The following IGF2BP2 variants were observed in gnomAD, a reference collection of about 807,000 sequenced individuals.
The protein encoded by IGF2BP2 is insulin-like growth factor 2 mRNA-binding protein 2.
In IGF2BP2, 17 loss-of-function variants were observed where a neutral mutation model predicts 75.8. The observed-to-expected ratio is 0.22, with a 90% CI of 0.15 to 0.34. The LOEUF is 0.34. Among genes scored for constraint, IGF2BP2 ranks in the 10% least tolerant of loss-of-function variants. The pLI, the probability that IGF2BP2 is intolerant of heterozygous loss-of-function variation, is 1.00. For synonymous variants in IGF2BP2, 288 were observed against 295.6 expected (o/e 0.97, Z 0.26); for missense variants, 516 against 772.4 (o/e 0.67, Z 3.93).
intron 2 of IGF2BP2, among the ~76,000 whole-genome samples, chr3:185,800,230 G>C (rs527521801): frequency 6.6e-6 from 1 of 152,058 alleles, no homozygotes; most frequent in African/African-American, 2.4e-5. Context: ...TGAACAATGA[G>C]AACACTTGGA....
intron 2 of IGF2BP2, among the ~76,000 whole-genome samples, chr3:185,702,701 G>A (rs1723479986): frequency 6.6e-6 from 1 of 151,940 alleles, no homozygotes; most frequent in Admixed American, 6.6e-5. Flanking sequence ...CACACACGGA[G>A]AGGGCTACTC....
chr3:185,790,245 CAT>C (rs1736463458), intron 2 of IGF2BP2, among the ~76,000 whole-genome samples: 1 of 151,250 alleles, frequency 6.6e-6, no homozygotes, highest in Admixed American at 6.6e-5. Flanking sequence ...GCAGATCTGA[CAT>C]AAAGTACTGT....
chr3:185,724,003 T>C (rs2149480992), intron 2 of IGF2BP2, among the ~76,000 whole-genome samples: 1 of 152,288 alleles, frequency 6.6e-6, no homozygotes, highest in East Asian at 1.9e-4. Flanking sequence ...AGCGCCAGAC[T>C]ATGCAGAGAC....
chr3:185,705,745 C>CTG (rs1251725977), intron 2 of IGF2BP2, among the ~76,000 whole-genome samples: 2 of 152,176 alleles, frequency 1.3e-5, no homozygotes, highest in East Asian at 3.8e-4. Flanking sequence ...ATAGAAGGCA[C>CTG]TGTCTAGCTG....
At position 185,665,476 on chromosome 3, in the gene IGF2BP2, GAGA is replaced by G. The variant is rs200458103; in HGVS notation, c.1200+7062_1200+7064del. The stretch of plus-strand genomic sequence containing the variant: ...GGAGGAGAAGAAGAAGAAGAAGAAG[GAGA>G]AGAAGGAGGAGAAGGAGGAGGAGAA... On this transcript the variant is annotated intron_variant, in intron 10 of 15. Transcript: ENST00000382199. 2.3e-4 allele frequency among the ~76,000 whole-genome samples: 16 copies of G among 70,808 alleles called. 2 individuals carry two copies. The highest frequency in any genetic ancestry group is 6.6e-4 in the South Asian group (1 of 1,512). The allele number at this position is 70,808 out of a possible 152,430, so 46.5% of individuals were successfully genotyped here.
In IGF2BP2 at chr3:185,689,372, A is replaced by G. The variant is rs1459998367; in HGVS notation, c.660T>C (p.Thr220=). ...GCACGTACCGGGACTGGGTCTGCTT[A>G]GTGATGTTCTTTATGGTCAAGCCCT... The part of the protein sequence containing the change: ...GKEGLTIKNI[T]KQTQSRVDIH... Residue 220 remains threonine (T), a synonymous_variant, in exon 6 of 16, where the codon ACT becomes ACC. Transcript: ENST00000382199. The G allele has an allele frequency of 6.2e-7, 1 of 1,613,552 alleles. No homozygotes were observed. The highest frequency in any genetic ancestry group is 8.5e-7 in the Non-Finnish European group (1 of 1,180,004).
chr3:185,707,295 C>CTTT lies in IGF2BP2; in HGVS notation c.240-8951_240-8949dup, dbSNP rs1159568857. ...TTATATTCAGTGTGTAACGAAGGGG[C>CTTT]TTTTTTTTTTTTTTTTTTTTTTTTT... On this transcript the variant is annotated intron_variant, in intron 2 of 15. Transcript: ENST00000382199. 9.0e-3 allele frequency among the ~76,000 whole-genome samples: 359 copies of CTTT among 39,876 alleles called. 78 individuals carry two copies. Among genetic ancestry groups the CTTT allele is most frequent in the African/African-American group, 0.02 (177 of 8,918 alleles). The allele number at this position is 39,876 out of a possible 152,430, so 26.2% of individuals were successfully genotyped here. A position where few individuals can be genotyped will look rare whatever the true frequency, so the allele number is the denominator to read the frequency against.
intron 2 of IGF2BP2, among the ~76,000 whole-genome samples, chr3:185,772,391 T>C (rs1733996148): frequency 6.6e-6 from 1 of 152,136 alleles, no homozygotes; most frequent in Non-Finnish European, 1.5e-5. Context: ...ATCTAAATAT[T>C]TTCAAATTTA....
At chr3:185,709,859 C>T (rs1724554658) in intron 2 of IGF2BP2, among the ~76,000 whole-genome samples, 1 of 152,144 alleles carries the variant, frequency 6.6e-6, no homozygotes, top group African/African-American at 2.4e-5. Flanking sequence ...ATCCAAACCC[C>T]CTCTACCCAA....
intron 9 of IGF2BP2, 40 bp from the exon 10 acceptor site, chr3:185,672,709 C>T: frequency 6.2e-7 from 1 of 1,612,236 alleles, no homozygotes; most frequent in Non-Finnish European, 8.5e-7. Context: ...AGGGAGGAGA[C>T]CAGAGAGGCC....
chr3:185,708,608 T>C (rs565604098), intron 2 of IGF2BP2, among the ~76,000 whole-genome samples: 1 of 152,172 alleles, frequency 6.6e-6, no homozygotes, highest in South Asian at 2.1e-4. Context: ...AGCACATACA[T>C]GGAAGGGCCT....
intron 2 of IGF2BP2, among the ~76,000 whole-genome samples, chr3:185,811,830 G>GTCTCTCTCTCTCTCTCTCTCTCTC (rs58208457): frequency 2.4e-4 from 29 of 120,802 alleles, no homozygotes; most frequent in Non-Finnish European, 4.4e-4. Context: ...AGAGTAGGGT[G>GTCTCTCTCTCTCTCTCTCTCTCTC]TCTCTCTCTC....
intron 2 of IGF2BP2, among the ~76,000 whole-genome samples, chr3:185,738,453 G>A (rs1230524933): frequency 6.6e-6 from 1 of 152,182 alleles, no homozygotes; most frequent in Non-Finnish European, 1.5e-5. Context: ...CAGCCTAGGG[G>A]AGTCAGGAAG....
chr3:185,799,958 A>G lies in IGF2BP2; in HGVS notation c.239+23195T>C, dbSNP rs900672401. ...TACCCAAAGGATTATAAATCATGCT[A>G]CTATAAAGGCACATGCACACGTATC... On this transcript the variant is annotated intron_variant, in intron 2 of 15. Transcript: ENST00000382199. Among the ~76,000 whole-genome samples, 25 of 152,350 alleles carry G rather than the reference A, an allele frequency of 1.6e-4. 1 individual carries two copies. Among genetic ancestry groups the G allele is most frequent in the African/African-American group, 5.8e-4 (24 of 41,582 alleles).
At chr3:185,682,495 C>T (rs1013611559) in intron 7 of IGF2BP2, among the ~76,000 whole-genome samples, 5 of 152,082 alleles carry the variant, frequency 3.3e-5, no homozygotes, top group African/African-American at 4.8e-5. Context: ...ATAAATTATC[C>T]GGTCTTTAGT....
rs369050058 is a variant in IGF2BP2 at position 185,778,999 on chromosome 3, G to A, written c.239+44154C>T. Among the ~76,000 whole-genome samples the A allele has an allele frequency of 4.0e-5, 6 of 151,732 alleles. No homozygotes were observed. The East Asian group carries it at 5.8e-4, about 15-fold the overall frequency. The stretch of plus-strand genomic sequence containing the variant: ...CCATGCAGTGATCATGGTGTATGCC[G>A]CTCTATGGCATCCTCTCTTGAAAAA... On this transcript the variant is annotated intron_variant, in intron 2 of 15. Transcript: ENST00000382199.
chr3:185,676,930 GGAGAGA>G (rs60361363), intron 7 of IGF2BP2, among the ~76,000 whole-genome samples: 3 of 139,558 alleles, frequency 2.1e-5, no homozygotes, highest in African/African-American at 8.0e-5. Flanking sequence ...TATATTTACT[GGAGAGA>G]GAGACATATA....
At chr3:185,744,941 C>T (rs1470259941) in intron 2 of IGF2BP2, among the ~76,000 whole-genome samples, 1 of 152,118 alleles carries the variant, frequency 6.6e-6, no homozygotes, top group African/African-American at 2.4e-5. Flanking sequence ...TTAACCAATT[C>T]CCAACTGTTC....
At chr3:185,822,562 C>T (rs1412337780) in intron 2 of IGF2BP2, among the ~76,000 whole-genome samples, 1 of 151,932 alleles carries the variant, frequency 6.6e-6, no homozygotes, top group Non-Finnish European at 1.5e-5. Flanking sequence ...TTCTTACAAG[C>T]AACAACAACA....
Sources: gnomAD v4.1 joint callset for allele counts (sites outside exome capture counted in the v4.1 genomes callset) on GRCh38, gnomAD v4.1.1 for gene constraint, MANE v1.5 for transcripts, NCBI Gene and HGNC (gene_info 2026-07-23, HGNC 2026-07-21) for gene names.